The following PNLIPRP1 variants were observed in gnomAD, a reference collection of about 807,000 sequenced individuals.
The protein encoded by PNLIPRP1 is pancreatic lipase related protein 1.
A neutral mutation model predicts 54.6 loss-of-function variants in PNLIPRP1; 57 were observed. The observed-to-expected ratio is 1.04, with a 90% confidence interval of 0.84 to 1.30. The LOEUF (loss-of-function observed/expected upper bound fraction) is 1.30, where lower values mean the gene tolerates loss of function less well. PNLIPRP1 is among the 50% of genes most tolerant of loss of function. The probability of loss-of-function intolerance (pLI) is 0.00; values close to 1 mark genes in which losing one functional copy is unlikely to be tolerated. For missense variants in PNLIPRP1, 567 were observed against 568.5 expected, an observed-to-expected ratio of 1.00 and a Z score of 0.03; for synonymous variants, 232 against 208.8, an observed-to-expected ratio of 1.11 and a Z score of -0.96.
intron 8 of PNLIPRP1, among the ~76,000 whole-genome samples, chr10:116,599,824 T>C (rs1847801730): frequency 6.6e-6 from 1 of 152,214 alleles, no homozygotes; most frequent in African/African-American, 2.4e-5. Flanking sequence ...CTAGGAAGAC[T>C]GAGGATTACA....
intron 12 of PNLIPRP1, among the ~76,000 whole-genome samples, chr10:116,605,862 G>C (rs1847927938): frequency 6.6e-6 from 1 of 152,128 alleles, no homozygotes; most frequent in African/African-American, 2.4e-5. Context: ...TATAAGTATG[G>C]GCTAGTGAAT....
chr10:116,608,977 C>CA lies in PNLIPRP1; in HGVS notation c.1341-73dup, dbSNP rs1554865923. ...TAAGAAAAACCAAACCAAACCAAACCAAACCAAAACAAAACAAAACACCTG... is the reference window on the plus strand; with the variant it reads ...TAAGAAAAACCAAACCAAACCAAACCAAAACCAAAACAAAACAAAACACCTG... On this transcript the variant is annotated intron_variant, in intron 12 of 12. Transcript: ENST00000358834. The CA allele has an allele frequency of 5.3e-5, 60 of 1,122,964 alleles. No individual in the cohort carries two copies. The East Asian group carries it at 7.6e-4, about 14-fold the overall frequency. The allele number at this position is 1,122,964 out of a possible 1,614,324, so 69.6% of individuals were successfully genotyped here.
chr10:116,594,541 C>T, intron 4 of PNLIPRP1, 189 bp from the exon 5 acceptor site: 2 of 645,832 alleles, frequency 3.1e-6, no homozygotes, highest in South Asian at 1.9e-5. Flanking sequence ...GAGGGGGAAT[C>T]AGTTTGCCTT....
intron 12 of PNLIPRP1, among the ~76,000 whole-genome samples, chr10:116,608,287 T>A (rs1847971518): frequency 6.6e-6 from 1 of 152,192 alleles, no homozygotes; most frequent in African/African-American, 2.4e-5. Flanking sequence ...ACCAAAATCT[T>A]GATTTTCTTT....
chr10:116,605,558 G>GT lies in PNLIPRP1; in HGVS notation c.1340+6dup, dbSNP rs782109360. The GT allele has an allele frequency of 9.2e-6, 14 of 1,527,416 alleles. No individual in the cohort carries two copies. Among genetic ancestry groups the GT allele is most frequent in the Non-Finnish European group, 1.8e-6 (2 of 1,126,088 alleles). 94.6% of individuals were successfully genotyped at this position (1,527,416 alleles called of 1,614,324 possible). ...AAAGGGAGAAGAGAAGACAGTGTAT[G>GT]TATCTTTGCTGGCTGGTGCCTAAAA... is the stretch of plus-strand genomic sequence containing the variant. On this transcript the variant is annotated splice_donor_region_variant and intron_variant, in intron 12 of 12. Coordinates refer to ENST00000358834, the MANE Select transcript of PNLIPRP1 (RefSeq NM_006229.4).
intron 8 of PNLIPRP1, among the ~76,000 whole-genome samples, chr10:116,599,820 A>G (rs1847801643): frequency 6.6e-6 from 1 of 152,228 alleles, no homozygotes. Flanking sequence ...CCTCCTAGGA[A>G]GACTGAGGAT....
rs1554863423 is a variant in PNLIPRP1, at chr10:116,592,736, G to A, written c.330+195G>A. ...GCACACTGAAGCAACCACATTTGCT[G>A]TTAGAAAAGTACTCCTACTACCTAA... On this transcript the variant is annotated intron_variant, in intron 4 of 12. Coordinates refer to ENST00000358834, the MANE Select transcript of PNLIPRP1 (RefSeq NM_006229.4). 8.6e-6 allele frequency: 6 copies of A among 700,864 alleles called. No individual in the cohort carries two copies. The East Asian group carries it at 1.5e-4, about 17-fold the overall frequency. The allele number at this position is 700,864 out of a possible 1,614,324, so 43.4% of individuals were successfully genotyped here. A position where few individuals can be genotyped will look rare whatever the true frequency, so the allele number is the denominator to read the frequency against.
At position 116,602,346 on chromosome 10, in the gene PNLIPRP1, A is replaced by G. The variant is rs192212152; in HGVS notation, c.1063+1145A>G. On this transcript the variant is annotated intron_variant, in intron 10 of 12. Transcript: ENST00000358834. Reference sequence around the variant, plus strand: ...CTCTGTGTATTTTTTTTGTAAGAAGACATTGATTAATCAATCCTTCCACTG... The same window carrying G: ...CTCTGTGTATTTTTTTTGTAAGAAGGCATTGATTAATCAATCCTTCCACTG... Among the ~76,000 whole-genome samples, 23 of 152,262 alleles carry G rather than the reference A, an allele frequency of 1.5e-4. 1 individual carries two copies. The East Asian group carries it at 3.3e-3, about 22-fold the overall frequency.
Position 116,591,913 on chromosome 10 carries a change from A to C in PNLIPRP1, c.192A>C (p.Pro64=), listed in dbSNP as rs782610931. The change falls in exon 3 of 13, where the codon CCA becomes CCC. Residue 64 remains proline (P), a synonymous_variant. Coordinates refer to ENST00000358834, the MANE Select transcript of PNLIPRP1 (RefSeq NM_006229.4). ...TCCTGCTGTACACCAATGAAAACCC[A>C]AACAACTTTCAAGTGAGACCTCTGT... ...TRFLLYTNEN[P]NNFQILLLSD... 2 of 1,614,126 alleles carry C rather than the reference A, an allele frequency of 1.2e-6. No individual in the cohort carries two copies. Among genetic ancestry groups the C allele is most frequent in the African/African-American group, 2.7e-5 (2 of 75,040 alleles).
chr10:116,598,180 G>T lies in PNLIPRP1; in HGVS notation c.814+14G>T, dbSNP rs782239190. On this transcript the variant is annotated intron_variant, in intron 8 of 12. Coordinates refer to ENST00000358834, the MANE Select transcript of PNLIPRP1 (RefSeq NM_006229.4). ...GCATCTGGGCGGGTAAAGTCATGGT[G>T]GGGTGAGGGGAGCAGGGCGGGTACT... The T allele has an allele frequency of 1.9e-6, 3 of 1,610,642 alleles. No individual in the cohort carries two copies. Among genetic ancestry groups the T allele is most frequent in the Non-Finnish European group, 2.5e-6 (3 of 1,178,684 alleles).
intron 4 of PNLIPRP1, chr10:116,594,365 C>T (rs1248109439): frequency 7.7e-6 from 4 of 520,074 alleles, no homozygotes; most frequent in Non-Finnish European, 1.5e-5. Flanking sequence ...CAGTCAAATC[C>T]ACAAGGTCAT....
rs781953676 is a variant in PNLIPRP1, at chr10:116,609,072, GAC to G, written c.1364_1365del (p.Thr455SerfsTer?). On this transcript the variant is annotated frameshift_variant, in exon 13 of 13. Transcript: ENST00000358834. LOFTEE classifies it high-confidence loss of function. ...CCCCAGGTACAACTTCTGTAGCGAA[GAC>G]ACAGTGCGGGAAGACACGCTGCTCA... ...EKTVYNFCSE[D>X]TVREDTLLTL... 11 of 1,613,476 alleles carry G rather than the reference GAC, an allele frequency of 6.8e-6. No individual in the cohort carries two copies. Among genetic ancestry groups the G allele is most frequent in the Non-Finnish European group, 7.6e-6 (9 of 1,179,544 alleles).
intron 6 of PNLIPRP1, among the ~76,000 whole-genome samples, chr10:116,597,616 T>G (rs1277287550): frequency 6.6e-6 from 1 of 152,224 alleles, no homozygotes; most frequent in Non-Finnish European, 1.5e-5. Context: ...TCATTTGTCC[T>G]CCTCCATCCA....
chr10:116,601,664 C>T (rs562721808), intron 10 of PNLIPRP1, among the ~76,000 whole-genome samples: 6 of 152,260 alleles, frequency 3.9e-5, no homozygotes, highest in East Asian at 1.9e-4. Flanking sequence ...GGGGCTGCCT[C>T]GCTGGTGGAG....
intron 4 of PNLIPRP1, chr10:116,594,404 T>G (rs1847697292): frequency 5.9e-6 from 3 of 505,806 alleles, no homozygotes; most frequent in South Asian, 4.6e-5. Context: ...AGATTGCACC[T>G]AAGACTTTTC....
At chr10:116,603,754 G>A (rs1415452427) in intron 10 of PNLIPRP1, among the ~76,000 whole-genome samples, 1 of 152,056 alleles carries the variant, frequency 6.6e-6, no homozygotes, top group Non-Finnish European at 1.5e-5. Flanking sequence ...TTAGCCAGGC[G>A]TGATGGTGTG....
chr10:116,599,978 G>A, intron 8 of PNLIPRP1, 69 bp from the exon 9 acceptor site: 2 of 945,598 alleles, frequency 2.1e-6, no homozygotes, highest in Admixed American at 1.8e-5. Flanking sequence ...ATCCCATTTG[G>A]AGAGAGAGGC....
intron 5 of PNLIPRP1, 81 bp downstream of exon 5, chr10:116,594,945 T>C (rs1427641806): frequency 5.3e-6 from 8 of 1,509,088 alleles, no homozygotes; most frequent in Non-Finnish European, 7.2e-6. Flanking sequence ...CTGAGAGTTA[T>C]GGATTAAAGA....
At chr10:116,607,429 G>A (rs1847953668) in intron 12 of PNLIPRP1, among the ~76,000 whole-genome samples, 1 of 152,170 alleles carries the variant, frequency 6.6e-6, no homozygotes, top group Non-Finnish European at 1.5e-5. Context: ...GAGAGGCTCA[G>A]AAAGACAGTG....
Sources: gnomAD v4.1 joint callset for allele counts (sites outside exome capture counted in the v4.1 genomes callset) on GRCh38, gnomAD v4.1.1 for gene constraint, MANE v1.5 for transcripts, NCBI Gene and HGNC (gene_info 2026-07-23, HGNC 2026-07-21) for gene names.